The following MARK1 variants were observed in gnomAD, a reference collection of about 807,000 sequenced individuals.
MARK1 encodes the protein serine/threonine-protein kinase MARK1.
Under a neutral mutation model 96.3 loss-of-function variants are expected in MARK1, and 40 were observed. That is an observed-to-expected ratio of 0.42 (90% CI 0.32 to 0.54). The LOEUF is 0.54. Among genes scored for constraint, MARK1 ranks in the 20% least tolerant of loss-of-function variants. The pLI is 0.16. For missense variants in MARK1, 719 were observed against 984.6 expected (o/e 0.73, Z 3.61); for synonymous variants, 317 against 341.2 (o/e 0.93, Z 0.78).
At chr1:220,623,404 C>CA (rs1287059760) in intron 9 of MARK1, among the ~76,000 whole-genome samples, 1 of 152,152 alleles carries the variant, frequency 6.6e-6, no homozygotes, top group Non-Finnish European at 1.5e-5. Flanking sequence ...AAAAAAATAA[C>CA]AGAGTTATTA....
chr1:220,601,355 C>G (rs1167783174), intron 5 of MARK1, among the ~76,000 whole-genome samples: 3 of 134,560 alleles, frequency 2.2e-5, no homozygotes, highest in East Asian at 2.3e-4. Context: ...AGTGTAGGTT[C>G]TTTGACTTAA....
chr1:220,662,244 A>T lies in MARK1; in HGVS notation c.*78A>T. ...TTTTTGAATGTACTGGTAATGCCTA[A>T]TGTGGTCTGCCTGTGAATCTCCCCA... On this transcript the variant is annotated 3_prime_UTR_variant, in exon 18 of 18. Coordinates refer to ENST00000366917, the MANE Select transcript of MARK1 (RefSeq NM_018650.5). 9.2e-7 allele frequency: 1 copy of T among 1,084,762 alleles called. No individual in the cohort carries two copies. Among genetic ancestry groups the T allele is most frequent in the Non-Finnish European group, 1.3e-6 (1 of 754,026 alleles). The allele number at this position is 1,084,762 out of a possible 1,614,324, so 67.2% of individuals were successfully genotyped here. A position where few individuals can be genotyped will look rare whatever the true frequency, so the allele number is the denominator to read the frequency against.
At chr1:220,586,032 G>A (rs1287221890) in intron 3 of MARK1, among the ~76,000 whole-genome samples, 1 of 124,232 alleles carries the variant, frequency 8.0e-6, no homozygotes, top group African/African-American at 2.6e-5. Context: ...CGCAGAGAGA[G>A]AGAGTTTAAA....
chr1:220,632,185 T>C lies in MARK1; in HGVS notation c.1010-16T>C. ...TAAAACCATTTTCAGAAAATTTCTC[T>C]TTTTTAAATTTCTAGACATTATGGT... On this transcript the variant is annotated splice_polypyrimidine_tract_variant and intron_variant, in intron 10 of 17. Transcript: ENST00000366917. 1 of 1,285,298 alleles carries C rather than the reference T, an allele frequency of 7.8e-7. No individual in the cohort carries two copies. The highest frequency in any genetic ancestry group is 1.0e-6 in the Non-Finnish European group (1 of 959,946). The allele number at this position is 1,285,298 out of a possible 1,614,324, so 79.6% of individuals were successfully genotyped here. A position where few individuals can be genotyped will look rare whatever the true frequency, so the allele number is the denominator to read the frequency against.
In MARK1 at chr1:220,581,053, C is replaced by A. The variant is rs1367180011; in HGVS notation, c.256-12C>A. ...ATTTTTCAAATAGAGTTTAATGATT[C>A]TTCTTTTTTAGGTTGCTGTGAAAAT... On this transcript the variant is annotated splice_polypyrimidine_tract_variant and intron_variant, in intron 2 of 17. Coordinates refer to ENST00000366917, the MANE Select transcript of MARK1 (RefSeq NM_018650.5). The A allele has an allele frequency of 8.2e-7, 1 of 1,217,722 alleles. No individual in the cohort carries two copies. The highest frequency in any genetic ancestry group is 1.1e-6 in the Non-Finnish European group (1 of 912,918). The allele number at this position is 1,217,722 out of a possible 1,614,324, so 75.4% of individuals were successfully genotyped here.
At chr1:220,563,983 A>G (rs953217597) in intron 1 of MARK1, among the ~76,000 whole-genome samples, 2 of 152,132 alleles carry the variant, frequency 1.3e-5, no homozygotes, top group Non-Finnish European at 2.9e-5. Flanking sequence ...TGGTTATTTC[A>G]TTGTAAATCA....
intron 1 of MARK1, among the ~76,000 whole-genome samples, chr1:220,538,943 G>A (rs1660922390): frequency 6.6e-6 from 1 of 150,778 alleles, no homozygotes; most frequent in Admixed American, 6.6e-5. Flanking sequence ...TGCTGAAGTT[G>A]CTTATCAGCT....
At chr1:220,575,382 C>A (rs1275165761) in intron 1 of MARK1, among the ~76,000 whole-genome samples, 2 of 152,234 alleles carry the variant, frequency 1.3e-5, no homozygotes, top group East Asian at 3.9e-4. Flanking sequence ...TATTTAACAG[C>A]CTTAGGATTG....
chr1:220,622,702 G>T (rs1447162887), intron 9 of MARK1, among the ~76,000 whole-genome samples: 7 of 152,132 alleles, frequency 4.6e-5, no homozygotes, highest in Non-Finnish European at 1.0e-4. Flanking sequence ...ATCGAGACCA[G>T]CCTGGGCAAC....
chr1:220,585,008 C>T (rs1479094270), intron 3 of MARK1, among the ~76,000 whole-genome samples: 2 of 152,074 alleles, frequency 1.3e-5, no homozygotes, highest in Non-Finnish European at 2.9e-5. Context: ...TTACGTGGGC[C>T]AACAAAAACA....
intron 3 of MARK1, among the ~76,000 whole-genome samples, chr1:220,590,208 A>G (rs1382078635): frequency 6.6e-6 from 1 of 152,350 alleles, no homozygotes; most frequent in East Asian, 1.9e-4. Flanking sequence ...GGAGAGGAAG[A>G]GATATCTTAG....
Position 220,652,096 on chromosome 1 carries a change from C to G in MARK1, c.1682C>G (p.Pro561Arg). Residue 561 changes from proline to arginine, a missense_variant, in exon 15 of 18, where the codon CCT (proline) becomes CGT (arginine). Physicochemically the swap from Pro to Arg is moderately radical, Grantham distance 103. Transcript: ENST00000366917. Reference protein sequence around the residue: ...HQKSMSTSGHPIKVTLPTIKD... With the variant: ...HQKSMSTSGHRIKVTLPTIKD... ...AAGTCCATGTCCACTTCTGGTCATC[C>G]TATTAAAGTCACACTGCCAACCATT... 6.2e-7 allele frequency: 1 copy of G among 1,613,542 alleles called. No homozygotes were observed. Among genetic ancestry groups the G allele is most frequent in the Non-Finnish European group, 8.5e-7 (1 of 1,179,564 alleles).
intron 1 of MARK1, among the ~76,000 whole-genome samples, chr1:220,579,133 C>T (rs1361989485): frequency 6.6e-6 from 1 of 152,132 alleles, no homozygotes; most frequent in Non-Finnish European, 1.5e-5. Flanking sequence ...TGAGCCACCA[C>T]CATGCTTGGC....
chr1:220,630,555 C>T (rs1667629890), intron 9 of MARK1, among the ~76,000 whole-genome samples: 1 of 152,108 alleles, frequency 6.6e-6, no homozygotes, highest in South Asian at 2.1e-4. Flanking sequence ...CCCACATTAT[C>T]TTAGCTATCT....
chr1:220,534,673 C>T (rs1007469428), intron 1 of MARK1, among the ~76,000 whole-genome samples: 1 of 152,086 alleles, frequency 6.6e-6, no homozygotes, highest in Admixed American at 6.6e-5. Flanking sequence ...AACAGCAACT[C>T]CCTATTTCCC....
intron 1 of MARK1, among the ~76,000 whole-genome samples, chr1:220,567,409 G>A (rs1033527414): frequency 2.6e-5 from 4 of 152,060 alleles, no homozygotes; most frequent in Non-Finnish European, 5.9e-5. Flanking sequence ...CTTCTGATAG[G>A]ACAAAATTAG....
chr1:220,539,828 G>C (rs564416798), intron 1 of MARK1, among the ~76,000 whole-genome samples: 1 of 151,304 alleles, frequency 6.6e-6, no homozygotes, highest in Non-Finnish European at 1.5e-5. Flanking sequence ...ATATTGACTT[G>C]TAGTTTTTTT....
intron 5 of MARK1, among the ~76,000 whole-genome samples, chr1:220,602,406 A>G (rs2102916470): frequency 6.6e-6 from 1 of 152,292 alleles, no homozygotes; most frequent in East Asian, 1.9e-4. Context: ...GTGAGCAAAG[A>G]CAAAGTCCCT....
chr1:220,587,255 CCTTTCCTTCCTTCCTTCCTT>C (rs1008426227), intron 3 of MARK1, among the ~76,000 whole-genome samples: 19 of 151,788 alleles, frequency 1.3e-4, no homozygotes, highest in Middle Eastern at 3.4e-3. Context: ...TATAGTCTCT[CCTTTCCTTCCTTCCTTCCTT>C]CTTTCCTTCC....
Sources: gnomAD v4.1 joint callset for allele counts (sites outside exome capture counted in the v4.1 genomes callset) on GRCh38, gnomAD v4.1.1 for gene constraint, MANE v1.5 for transcripts, NCBI Gene and HGNC (gene_info 2026-07-23, HGNC 2026-07-21) for gene names.